The following PRPF31 variants were observed in gnomAD, a reference collection of about 807,000 sequenced individuals.
PRPF31 encodes the protein pre-mRNA processing factor 31, also known as U4/U6 small nuclear ribonucleoprotein Prp31.
A neutral mutation model predicts 60.4 loss-of-function variants in PRPF31; 12 were observed. The ratio of observed to expected loss-of-function variants is 0.20; its 90% CI spans 0.13 to 0.32. The LOEUF (loss-of-function observed/expected upper bound fraction) is 0.32, where lower values mean the gene tolerates loss of function less well. PRPF31 is among the 10% of genes least tolerant of loss of function. The probability of loss-of-function intolerance (pLI) is 1.00; values close to 1 mark genes in which losing one functional copy is unlikely to be tolerated. For synonymous variants in PRPF31, 287 were observed against 287.9 expected (o/e 1.00, Z 0.03); for missense variants, 431 against 687.1 (o/e 0.63, Z 4.17).
At chr19:54,127,799 G>A (rs374821279) in intron 9 of PRPF31, among the ~76,000 whole-genome samples, 6 of 152,324 alleles carry the variant, frequency 3.9e-5, no homozygotes, top group South Asian at 2.1e-4. Flanking sequence ...CTGGGTGTGG[G>A]GGTGCAGCTG....
At chr19:54,130,441 C>T (rs1246565586) in intron 13 of PRPF31, among the ~76,000 whole-genome samples, 4 of 152,092 alleles carry the variant, frequency 2.6e-5, no homozygotes, top group Non-Finnish European at 2.9e-5. Flanking sequence ...CTGGCTAACA[C>T]GGTGAAACCC....
In PRPF31 at chr19:54,118,462, G is replaced by C; in HGVS notation, c.177+7G>C. 6.2e-7 allele frequency: 1 copy of C among 1,614,130 alleles called. No individual in the cohort carries two copies. Among genetic ancestry groups the C allele is most frequent in the Non-Finnish European group, 8.5e-7 (1 of 1,179,998 alleles). ...GCTATGGGATAGTAAGATGGTAAGA[G>C]GACAAGAGGTGTTCCTAGCAGGGGG... is the stretch of plus-strand genomic sequence containing the variant. On this transcript the variant is annotated splice_region_variant and intron_variant, in intron 2 of 13. Transcript: ENST00000321030.
chr19:54,122,534 G>T lies in PRPF31; in HGVS notation c.360G>T (p.Lys120Asn). 6.2e-7 allele frequency: 1 copy of T among 1,614,170 alleles called. No individual in the cohort carries two copies. Among genetic ancestry groups the T allele is most frequent in the Non-Finnish European group, 8.5e-7 (1 of 1,179,984 alleles). ...IHKFIRDKYS[K>N]RFPELESLVP... The stretch of plus-strand genomic sequence containing the variant: ...AGTTCATCCGGGATAAGTACTCAAA[G>T]AGATTCCCTGAACTGGAGTCCTTGG... Residue 120 changes from lysine (K) to asparagine (N), a missense_variant, in exon 5 of 14, where the codon AAG (lysine) becomes AAT (asparagine). Around this residue, in one of 4 missense-constraint regions of PRPF31, gnomAD observed 113 missense variants for 173.8 expected, o/e 0.65. Coordinates refer to ENST00000321030, the MANE Select transcript of PRPF31 (RefSeq NM_015629.4).
At chr19:54,125,360 G>A (rs1176420486) in intron 8 of PRPF31, 5 of 154,354 alleles carry the variant, frequency 3.2e-5, no homozygotes, top group African/African-American at 1.2e-4. Context: ...GCTGGGTATA[G>A]TGGCACACAC....
intron 11 of PRPF31, 102 bp from the exon 12 acceptor site, chr19:54,128,955 C>T (rs1255594611): frequency 3.8e-5 from 48 of 1,271,550 alleles, no homozygotes; most frequent in East Asian, 2.0e-4. Context: ...TGGGACCGGC[C>T]GGCTGGTGAC....
chr19:54,129,441 G>A lies in PRPF31; in HGVS notation c.1374+71G>A. The A allele has an allele frequency of 4.0e-6, 6 of 1,511,202 alleles. 1 individual carries two copies. In the South Asian group the frequency reaches 7.2e-5, roughly 18 times the overall value. The allele number at this position is 1,511,202 out of a possible 1,614,324, so 93.6% of individuals were successfully genotyped here. On this transcript the variant is annotated intron_variant, in intron 13 of 13. Coordinates refer to ENST00000321030, the MANE Select transcript of PRPF31 (RefSeq NM_015629.4). ...AAGGCCCCTTGCCCTCTGCCCCTGTGAAGAAGGCCAGGATGAGTCTCCTCA... is the reference window on the plus strand; with the variant it reads ...AAGGCCCCTTGCCCTCTGCCCCTGTAAAGAAGGCCAGGATGAGTCTCCTCA...
chr19:54,119,381 CA>C (rs370322239), intron 3 of PRPF31: 16,308 of 123,662 alleles, frequency 0.13, 1,311 homozygotes, highest in African/African-American at 0.27. Flanking sequence ...GACTCCGTCT[CA>C]AAAAAAAAAA....
Position 54,124,689 on chromosome 19 carries a change from C to T in PRPF31, c.855+33C>T, listed in dbSNP as rs764874802. 1.9e-6 allele frequency: 3 copies of T among 1,604,692 alleles called. No homozygotes were observed. In the South Asian group the frequency reaches 3.3e-5, roughly 18 times the overall value. On this transcript the variant is annotated intron_variant, in intron 8 of 13. Transcript: ENST00000321030. ...CACTGCGTCATGGCCCCTCCCCCGG[C>T]CCCCCTGGAGCCTTCCGCTGTGCCC...
intron 1 of PRPF31, 58 bp downstream of exon 1, chr19:54,115,855 A>C (rs991868070): frequency 5.0e-6 from 1 of 201,734 alleles, no homozygotes; most frequent in Non-Finnish European, 1.0e-5. Flanking sequence ...CTGGGAGAAG[A>C]AGTGTGTGAG....
rs370283824 is a variant in PRPF31 at position 54,129,228 on chromosome 19, A to G, written c.1275+43A>G. 330 of 1,601,522 alleles carry G rather than the reference A, an allele frequency of 2.1e-4. 2 individuals are homozygous for G. The East Asian group carries it at 3.2e-3, about 15-fold the overall frequency. On this transcript the variant is annotated intron_variant, in intron 12 of 13. Transcript: ENST00000321030. ...GTGGGGCTGGGGACCGAGGGACACA[A>G]GGTGGGGGGAGCCCAGATCGCAGCC...
At chr19:54,122,955 G>T in intron 5 of PRPF31, 2 of 477,686 alleles carry the variant, frequency 4.2e-6, no homozygotes, top group Non-Finnish European at 7.7e-6. Context: ...AAGTGGGGAG[G>T]AAGTGAGGCG....
Position 54,126,607 on chromosome 19 carries a change from C to T in PRPF31, c.935C>T (p.Thr312Ile), listed in dbSNP as rs144322132. 79 of 1,613,568 alleles carry T rather than the reference C, an allele frequency of 4.9e-5. No individual in the cohort carries two copies. The highest frequency in any genetic ancestry group is 1.5e-4 in the Admixed American group (9 of 59,936). ...AARVDSFHES[T>I]EGKVGYELKD... ...CGTGTGGACAGTTTCCACGAGAGCACAGAAGGGAAGGTGAGGAGGGAAAGG... is the reference window on the plus strand; with the variant it reads ...CGTGTGGACAGTTTCCACGAGAGCATAGAAGGGAAGGTGAGGAGGGAAAGG... Residue 312 changes from threonine to isoleucine, a missense_variant, in exon 9 of 14, where the codon ACA becomes ATA. This residue lies in a region of PRPF31 where 314 missense variants were observed against 475.3 expected (regional missense o/e 0.66). Coordinates refer to ENST00000321030, the MANE Select transcript of PRPF31 (RefSeq NM_015629.4).
At position 54,123,531 on chromosome 19, in the gene PRPF31, C is replaced by G; in HGVS notation, c.498C>G (p.Val166=). 1 of 1,614,212 alleles carries G rather than the reference C, an allele frequency of 6.2e-7. No individual in the cohort carries two copies. The highest frequency in any genetic ancestry group is 8.5e-7 in the Non-Finnish European group (1 of 1,180,032). The change falls in exon 6 of 14, where the codon GTC becomes GTG. Residue 166 remains valine, a synonymous_variant. Transcript: ENST00000321030. The stretch of plus-strand genomic sequence containing the variant: ...TCCTCACCAATGCCACCATCATGGT[C>G]GTCAGCGTCACCGCCTCCACCACCC... The part of the protein sequence containing the change: ...QQILTNATIM[V]VSVTASTTQG...
Position 54,131,394 on chromosome 19 carries a change from A to C in PRPF31, c.1462A>C (p.Lys488Gln). Reference sequence around the variant, plus strand: ...TTTCTCCAGCATGGCTGAGTTCCTCAAGGTCAAGGGCGAGAAGAGTGGCCT... The same window carrying C: ...TTTCTCCAGCATGGCTGAGTTCCTCCAGGTCAAGGGCGAGAAGAGTGGCCT... ...KYFSSMAEFL[K>Q]VKGEKSGLMS... is the part of the protein sequence containing the mutation. Residue 488 changes from lysine to glutamine, a missense_variant, in exon 14 of 14, where the codon AAG (lysine) becomes CAG (glutamine). Lys to Gln is a moderately conservative substitution (Grantham distance 53). Transcript: ENST00000321030. 6.2e-7 allele frequency: 1 copy of C among 1,614,122 alleles called. No homozygotes were observed.
intron 3 of PRPF31, among the ~76,000 whole-genome samples, chr19:54,121,007 A>C (rs2073771785): frequency 6.6e-6 from 1 of 152,046 alleles, no homozygotes; most frequent in Non-Finnish European, 1.5e-5. Context: ...AGAGGCCAGG[A>C]GGGGTCTGGC....
intron 11 of PRPF31, 84 bp downstream of exon 11, chr19:54,128,461 G>C: frequency 1.5e-6 from 2 of 1,369,824 alleles, no homozygotes; most frequent in Non-Finnish European, 2.0e-6. Flanking sequence ...CCCTCCTCTC[G>C]TCCTGTGGCC....
intron 1 of PRPF31, among the ~76,000 whole-genome samples, chr19:54,116,440 A>C (rs1433733210): frequency 1.3e-5 from 2 of 148,640 alleles, no homozygotes; most frequent in African/African-American, 5.0e-5. Context: ...TCCTGACCTC[A>C]GATGATCCAC....
intron 13 of PRPF31, among the ~76,000 whole-genome samples, chr19:54,130,179 C>T (rs11084312): frequency 2.2e-5 from 3 of 138,100 alleles, no homozygotes; most frequent in South Asian, 2.5e-4. Context: ...AATGCCAGGC[C>T]GGGCGCAGAC....
intron 11 of PRPF31, 88 bp downstream of exon 11, chr19:54,128,465 T>A: frequency 7.4e-7 from 1 of 1,345,626 alleles, no homozygotes; most frequent in African/African-American, 1.5e-5. Context: ...CCTCTCGTCC[T>A]GTGGCCCTGG....
Sources: gnomAD v4.1 joint callset for allele counts (sites outside exome capture counted in the v4.1 genomes callset) on GRCh38, gnomAD v4.1.1 for gene constraint, gnomAD v4.1.1 regional missense constraint, MANE v1.5 for transcripts, NCBI Gene and HGNC (gene_info 2026-07-23, HGNC 2026-07-21) for gene names.